NRG3: variants seen among roughly 807,000 people sequenced by gnomAD.
The protein encoded by NRG3 is pro-neuregulin-3, membrane-bound isoform.
A neutral mutation model predicts 66.9 loss-of-function variants in NRG3; 31 were observed. The observed-to-expected ratio is 0.46, with a 90% confidence interval of 0.35 to 0.63. The LOEUF (loss-of-function observed/expected upper bound fraction) is 0.63, where lower values mean the gene tolerates loss of function less well. Among genes scored for constraint, NRG3 ranks in the 20% least tolerant of loss-of-function variants. The pLI is 0.00. For synonymous variants in NRG3, 393 were observed against 359.4 expected, an observed-to-expected ratio of 1.09 and a Z score of -1.06; for missense variants, 910 against 878.9, an observed-to-expected ratio of 1.04 and a Z score of -0.45.
intron 2 of NRG3, among the ~76,000 whole-genome samples, chr10:82,500,556 C>T (rs1844076208): frequency 6.6e-6 from 1 of 152,190 alleles, no homozygotes; most frequent in Non-Finnish European, 1.5e-5. Context: ...TTCATACAAA[C>T]AGCAGCTAGA....
chr10:82,554,088 G>A (rs1276253092), intron 2 of NRG3, among the ~76,000 whole-genome samples: 1 of 152,090 alleles, frequency 6.6e-6, no homozygotes, highest in Non-Finnish European at 1.5e-5. Context: ...GCACCAAAAT[G>A]CTATGCTTCC....
chr10:82,030,911 A>T (rs559527149), intron 1 of NRG3, among the ~76,000 whole-genome samples: 1 of 152,290 alleles, frequency 6.6e-6, no homozygotes, highest in South Asian at 2.1e-4. Context: ...ACCTGATTAG[A>T]GATAGGTTGC....
At chr10:82,678,597 G>A (rs1480959886) in intron 2 of NRG3, among the ~76,000 whole-genome samples, 1 of 152,188 alleles carries the variant, frequency 6.6e-6, no homozygotes, top group Non-Finnish European at 1.5e-5. Flanking sequence ...ACCTGGCACT[G>A]GCTTAAACCA....
chr10:82,238,239 G>A (rs2076846043), intron 1 of NRG3, among the ~76,000 whole-genome samples: 1 of 151,842 alleles, frequency 6.6e-6, no homozygotes, highest in African/African-American at 2.4e-5. Flanking sequence ...AAAGAAACTT[G>A]AATTCAGACT....
intron 1 of NRG3, among the ~76,000 whole-genome samples, chr10:82,216,429 T>G (rs1564673368): frequency 6.6e-6 from 1 of 151,434 alleles, no homozygotes; most frequent in Non-Finnish European, 1.5e-5. Flanking sequence ...ACAGACAAGA[T>G]AGTAGAAATT....
intron 2 of NRG3, among the ~76,000 whole-genome samples, chr10:82,671,797 A>G (rs2134043533): frequency 6.6e-6 from 1 of 152,350 alleles, no homozygotes; most frequent in South Asian, 2.1e-4. Context: ...CACATGTGTG[A>G]TTCCTCTACA....
intron 2 of NRG3, among the ~76,000 whole-genome samples, chr10:82,714,327 C>T (rs909513346): frequency 2.0e-5 from 3 of 152,100 alleles, no homozygotes; most frequent in Non-Finnish European, 2.9e-5. Flanking sequence ...GATGGATGCT[C>T]CCTCAACAAA....
chr10:82,716,549 A>G (rs1450467550), intron 2 of NRG3, among the ~76,000 whole-genome samples: 5 of 152,168 alleles, frequency 3.3e-5, no homozygotes, highest in East Asian at 3.9e-4. Context: ...GGGTGCAGAT[A>G]TAGAGGATGT....
Position 82,847,317 on chromosome 10 carries a change from T to C in NRG3, c.1028-18094T>C, listed in dbSNP as rs183963195. On this transcript the variant is annotated intron_variant, in intron 3 of 8. Transcript: ENST00000372141. ...AAGGCTGCAAAATTCAGGATTTTAG[T>C]TGGCTACGTTGACACTTTGAATAGA... Among the ~76,000 whole-genome samples the C allele has an allele frequency of 4.6e-5, 7 of 152,334 alleles. No individual in the cohort carries two copies. The East Asian group carries it at 9.6e-4, about 21-fold the overall frequency.
intron 2 of NRG3, among the ~76,000 whole-genome samples, chr10:82,576,219 T>C (rs1202413924): frequency 6.6e-6 from 1 of 151,664 alleles, no homozygotes; most frequent in Non-Finnish European, 1.5e-5. Context: ...TTTTGCTGGA[T>C]GTTTTTATAT....
At chr10:82,557,685 A>G (rs1393652342) in intron 2 of NRG3, among the ~76,000 whole-genome samples, 1 of 152,128 alleles carries the variant, frequency 6.6e-6, no homozygotes, top group Non-Finnish European at 1.5e-5. Flanking sequence ...TGACACTGGT[A>G]TGGGTGCTGG....
intron 1 of NRG3, among the ~76,000 whole-genome samples, chr10:82,046,288 C>G (rs1468035421): frequency 1.5e-5 from 1 of 64,836 alleles, no homozygotes; most frequent in African/African-American, 3.9e-5. Context: ...CTTCATGTCC[C>G]TTGTAAATTG....
intron 1 of NRG3, among the ~76,000 whole-genome samples, chr10:82,341,427 A>T (rs554570814): frequency 1.5e-4 from 23 of 152,204 alleles, no homozygotes; most frequent in Non-Finnish European, 2.4e-4. Flanking sequence ...GTCCCTCCAT[A>T]GTTCAGTTTC....
chr10:82,914,954 A>G (rs888146425), intron 4 of NRG3, among the ~76,000 whole-genome samples: 11 of 152,058 alleles, frequency 7.2e-5, no homozygotes, highest in Admixed American at 1.3e-4. Context: ...TTAAATGAAA[A>G]CTTTTTCTTT....
intron 1 of NRG3, among the ~76,000 whole-genome samples, chr10:81,991,976 T>A (rs1468083410): frequency 1.3e-5 from 2 of 152,096 alleles, no homozygotes; most frequent in Non-Finnish European, 2.9e-5. Flanking sequence ...TGAGACAAAG[T>A]GTCATGCTTT....
intron 2 of NRG3, among the ~76,000 whole-genome samples, chr10:82,362,518 T>G (rs1018709834): frequency 2.1e-5 from 3 of 144,114 alleles, no homozygotes; most frequent in African/African-American, 7.8e-5. Context: ...GGACTACAGG[T>G]GCTCACCACC....
chr10:82,950,030 C>G (rs1020415466), intron 4 of NRG3, among the ~76,000 whole-genome samples: 1 of 152,046 alleles, frequency 6.6e-6, no homozygotes, highest in African/African-American at 2.4e-5. Context: ...TTTCTCAGAC[C>G]AGTAGCATCA....
intron 2 of NRG3, among the ~76,000 whole-genome samples, chr10:82,602,529 T>C (rs2133410470): frequency 6.6e-6 from 1 of 152,234 alleles, no homozygotes; most frequent in Middle Eastern, 3.4e-3. Flanking sequence ...TAAAACTCAA[T>C]TAAGACCTAG....
chr10:82,371,916 G>T (rs965436708), intron 2 of NRG3, among the ~76,000 whole-genome samples: 1 of 152,100 alleles, frequency 6.6e-6, no homozygotes, highest in African/African-American at 2.4e-5. Context: ...TGAGACATCT[G>T]CTCTCATGAC....
Sources: allele counts gnomAD v4.1 joint callset (sites outside exome capture counted in the v4.1 genomes callset), GRCh38; gene constraint gnomAD v4.1.1; transcripts MANE v1.5; gene names NCBI Gene and HGNC (gene_info 2026-07-23, HGNC 2026-07-21).